The following VPS53 variants were observed in gnomAD, a reference collection of about 807,000 sequenced individuals.
VPS53 encodes VPS53 subunit of GARP complex.
VPS53 carries 70 observed loss-of-function variants against 107.0 expected under a neutral mutation model. That is an observed-to-expected ratio of 0.65 (90% CI 0.54 to 0.80). The LOEUF (loss-of-function observed/expected upper bound fraction) is 0.80, where lower values mean the gene tolerates loss of function less well. VPS53 is among the 30% of genes least tolerant of loss of function. VPS53 has a pLI of 0.00. For missense variants in VPS53, 917 were observed against 1,049.4 expected, an observed-to-expected ratio of 0.87 and a Z score of 1.74; for synonymous variants, 409 against 393.3, an observed-to-expected ratio of 1.04 and a Z score of -0.47.
chr17:588,571 TACTTA>T (rs1967455356), intron 12 of VPS53, among the ~76,000 whole-genome samples: 1 of 152,264 alleles, frequency 6.6e-6, no homozygotes, highest in South Asian at 2.1e-4. Flanking sequence ...CTCAATCTTG[TACTTA>T]ACCCTCTTCC....
rs942979542 is a variant in VPS53, at chr17:520,870, C to G, written c.2223+731G>C. 6.6e-6 allele frequency among the ~76,000 whole-genome samples: 1 copy of G among 152,162 alleles called. No individual in the cohort carries two copies. The highest frequency in any genetic ancestry group is 2.4e-5 in the African/African-American group (1 of 41,438). The stretch of plus-strand genomic sequence containing the variant: ...ACCTACATGAGCTCTTCACCCTCAC[C>G]TACATGAGCTCTTCACCCTTACCTA... On this transcript the variant is annotated intron_variant, in intron 20 of 21. Transcript: ENST00000437048. This position sits in a 1 kb window ranked among gnomAD's most constrained non-coding sequence, Gnocchi z 4.4.
At chr17:599,533 TA>T in intron 12 of VPS53, among the ~76,000 whole-genome samples, 1 of 150,790 alleles carries the variant, frequency 6.6e-6, no homozygotes, top group Non-Finnish European at 1.5e-5. Flanking sequence ...TGTGCTTTGT[TA>T]AACAGATGCT....
chr17:541,182 G>A (rs535095619), intron 17 of VPS53, among the ~76,000 whole-genome samples: 11 of 152,258 alleles, frequency 7.2e-5, no homozygotes, highest in African/African-American at 2.2e-4. Flanking sequence ...AGGCACACAC[G>A]TACACGCTCA....
intron 6 of VPS53, 64 bp downstream of exon 6, chr17:655,774 A>G (rs1254424582): frequency 6.9e-7 from 1 of 1,448,538 alleles, no homozygotes; most frequent in Non-Finnish European, 9.5e-7. Context: ...AATAGGCGAC[A>G]ACACCATTTT....
intron 4 of VPS53, among the ~76,000 whole-genome samples, chr17:662,417 C>T (rs751181972): frequency 6.6e-6 from 1 of 152,186 alleles, no homozygotes; most frequent in Non-Finnish European, 1.5e-5. Context: ...GGGCCGGACA[C>T]AGTGGCTCAC....
At chr17:688,007 T>A (rs985497147) in intron 4 of VPS53, among the ~76,000 whole-genome samples, 2 of 152,180 alleles carry the variant, frequency 1.3e-5, no homozygotes, top group African/African-American at 4.8e-5. Flanking sequence ...AGTCCTTCAC[T>A]GTACATAGAG....
chr17:703,372 A>G (rs902074010), intron 2 of VPS53, among the ~76,000 whole-genome samples: 2 of 149,184 alleles, frequency 1.3e-5, no homozygotes, highest in Non-Finnish European at 3.0e-5. Context: ...TCTACCTCTA[A>G]CGCAATGATT....
chr17:713,975 G>A (rs1415431471), intron 1 of VPS53, among the ~76,000 whole-genome samples: 1 of 151,158 alleles, frequency 6.6e-6, no homozygotes, highest in African/African-American at 2.4e-5. Flanking sequence ...AACTCGGGAG[G>A]CGGAGGTCGC....
chr17:695,760 C>G (rs1972938560), intron 4 of VPS53, among the ~76,000 whole-genome samples: 1 of 152,072 alleles, frequency 6.6e-6, no homozygotes, highest in Admixed American at 6.6e-5. Context: ...TCATGTTGCC[C>G]AGGCTGGCCT....
Position 601,875 on chromosome 17 carries a change from G to T in VPS53, c.1138C>A (p.Pro380Thr). Residue 380 changes from proline to threonine, a missense_variant, in exon 12 of 22, where the codon CCA (proline) becomes ACA (threonine). Pro to Thr is a conservative substitution (Grantham distance 38). Coordinates refer to ENST00000437048, the MANE Select transcript of VPS53 (RefSeq NM_001128159.3). ...TCTTCCAGGAAGGGATTGGTAGATGGGGGTGGAGACTCAAGCTTTTTCTGT... is the reference window on the plus strand; with the variant it reads ...TCTTCCAGGAAGGGATTGGTAGATGTGGGTGGAGACTCAAGCTTTTTCTGT... ...GTLKKLESPP[P>T]STNPFLEDEP... 1 of 1,592,106 alleles carries T rather than the reference G, an allele frequency of 6.3e-7. No homozygotes were observed. Among genetic ancestry groups the T allele is most frequent in the Non-Finnish European group, 8.6e-7 (1 of 1,168,610 alleles).
intron 11 of VPS53, among the ~76,000 whole-genome samples, chr17:607,946 C>T (rs1968661461): frequency 6.6e-6 from 1 of 152,048 alleles, no homozygotes; most frequent in African/African-American, 2.4e-5. Context: ...GTGTGAGGCC[C>T]TAGCTGGACA....
intron 11 of VPS53, among the ~76,000 whole-genome samples, chr17:617,915 CTAA>C (rs544242191): frequency 7.0e-4 from 49 of 70,324 alleles, no homozygotes; most frequent in African/African-American, 2.7e-3. Flanking sequence ...CCACGCCCCA[CTAA>C]TGTTTCCCGG....
At position 626,355 on chromosome 17, in the gene VPS53, C is replaced by T. The variant is rs8064972; in HGVS notation, c.974+819G>A. On this transcript the variant is annotated intron_variant, in intron 10 of 21. Coordinates refer to ENST00000437048, the MANE Select transcript of VPS53 (RefSeq NM_001128159.3). Reference sequence around the variant, plus strand: ...TAACGTAGAGAGGATGAACAAAAGACGGTCTTTAAAATGCTTGGAAAGCTC... The same window carrying T: ...TAACGTAGAGAGGATGAACAAAAGATGGTCTTTAAAATGCTTGGAAAGCTC... Among the ~76,000 whole-genome samples, 473 of 152,230 alleles carry T rather than the reference C, an allele frequency of 3.1e-3. 5 individuals carry two copies. Among genetic ancestry groups the T allele is most frequent in the African/African-American group, 0.01 (430 of 41,540 alleles).
intron 11 of VPS53, among the ~76,000 whole-genome samples, chr17:622,388 TA>T (rs10711234): frequency 0.72 from 106,644 of 148,574 alleles, 39,206 homozygotes; most frequent in Non-Finnish European, 0.8. Flanking sequence ...ACCCGCAGTT[TA>T]AAAAAAAAAA....
intron 4 of VPS53, among the ~76,000 whole-genome samples, chr17:685,803 C>A (rs1335425474): frequency 6.6e-6 from 1 of 151,798 alleles, no homozygotes; most frequent in Non-Finnish European, 1.5e-5. Context: ...AGTCCAAGAC[C>A]AGCCAGAGCA....
At chr17:569,112 A>G (rs1913816313) in intron 13 of VPS53, among the ~76,000 whole-genome samples, 1 of 152,218 alleles carries the variant, frequency 6.6e-6, no homozygotes, top group Admixed American at 6.5e-5. Flanking sequence ...GGATAAGCCT[A>G]GTATATTTTA....
Position 653,338 on chromosome 17 carries a change from G to A in VPS53, c.561C>T (p.His187=), listed in dbSNP as rs1971037967. 6.2e-7 allele frequency: 1 copy of A among 1,614,240 alleles called. No individual in the cohort carries two copies. The highest frequency in any genetic ancestry group is 8.5e-7 in the Non-Finnish European group (1 of 1,180,050). Residue 187 remains histidine (H), a synonymous_variant, in exon 7 of 22, where the codon CAC becomes CAT. Transcript: ENST00000437048. ...LLQGVMNVLE[H]FHKYMGIPQI... is the part of the protein sequence containing the mutation. The stretch of plus-strand genomic sequence containing the variant: ...GCGGAATCCCCATATACTTGTGGAA[G>A]TGCTCCAGGACATTCATCACACCCT...
At chr17:620,327 C>G (rs545857038) in intron 11 of VPS53, among the ~76,000 whole-genome samples, 21 of 152,346 alleles carry the variant, frequency 1.4e-4, no homozygotes, top group African/African-American at 4.8e-4. Context: ...CCCGCTTCAC[C>G]TGCTCTGAGG....
At chr17:612,031 C>A (rs1420768382) in intron 11 of VPS53, among the ~76,000 whole-genome samples, 1 of 150,348 alleles carries the variant, frequency 6.7e-6, no homozygotes, top group East Asian at 2.0e-4. Context: ...AAAACCTGTA[C>A]AAATATTCAC....
Sources: allele counts gnomAD v4.1 joint callset (sites outside exome capture counted in the v4.1 genomes callset), GRCh38; gene constraint gnomAD v4.1.1; non-coding constraint Gnocchi (gnomAD v3.1); transcripts MANE v1.5; gene names NCBI Gene and HGNC (gene_info 2026-07-23, HGNC 2026-07-21).